The following TK2 variants were observed in gnomAD, a reference collection of about 807,000 sequenced individuals.
The protein encoded by TK2 is thymidine kinase 2.
In TK2, 35 loss-of-function variants were observed where a neutral mutation model predicts 41.9. The observed-to-expected ratio is 0.84, with a 90% CI of 0.64 to 1.11. The LOEUF (loss-of-function observed/expected upper bound fraction) is 1.11, where lower values mean the gene tolerates loss of function less well. Among genes scored for constraint, TK2 ranks in the 50% least tolerant of loss-of-function variants. The pLI is 0.00. For missense variants in TK2, 320 were observed against 351.1 expected (o/e 0.91, Z 0.71); for synonymous variants, 128 against 129.1 (o/e 0.99, Z 0.06).
chr16:66,540,786 T>C (rs1464029397), intron 3 of TK2, among the ~76,000 whole-genome samples: 3 of 152,234 alleles, frequency 2.0e-5, no homozygotes, highest in African/African-American at 7.2e-5. Context: ...CCCTGCTCAA[T>C]AGCCTGTCCT....
At chr16:66,549,141 C>T in intron 1 of TK2, 132 bp from the exon 2 acceptor site, 3 of 1,537,064 alleles carry the variant, frequency 2.0e-6, no homozygotes, top group Admixed American at 2.0e-5. Flanking sequence ...CCATTTTGGG[C>T]GCCCTCCGAG....
At chr16:66,541,628 G>A (rs925243991) in intron 3 of TK2, among the ~76,000 whole-genome samples, 97 of 152,138 alleles carry the variant, frequency 6.4e-4, no homozygotes, top group African/African-American at 2.2e-3. Flanking sequence ...TGTGGCCCAG[G>A]CTGGTCTGGA....
Position 66,513,742 on chromosome 16 carries a change from C to G in TK2, c.688G>C (p.Ala230Pro). Residue 230 changes from alanine (A) to proline (P), a missense_variant, in exon 9 of 10, where the codon GCC (alanine) becomes CCC (proline). By Grantham distance (27) the Ala-to-Pro change is conservative. Coordinates refer to ENST00000544898, the MANE Select transcript of TK2 (RefSeq NM_004614.5). ...LIKGSLFPMA[A>P]PVLVIEADHH... ...GGAGTCTTACTTACCAGAACAGGGGCTGCCATGGGGAAAAGGCTGCCTTTG... is the reference window on the plus strand; with the variant it reads ...GGAGTCTTACTTACCAGAACAGGGGGTGCCATGGGGAAAAGGCTGCCTTTG... 7.4e-6 allele frequency: 12 copies of G among 1,613,994 alleles called. No homozygotes were observed. The highest frequency in any genetic ancestry group is 1.0e-5 in the Non-Finnish European group (12 of 1,179,954).
rs573283141 is a variant in TK2, at chr16:66,547,758, G to A, written c.156+1220C>T. On this transcript the variant is annotated intron_variant, in intron 2 of 9. Coordinates refer to ENST00000544898, the MANE Select transcript of TK2 (RefSeq NM_004614.5). ...TCAGGGCTGTTTGCCAGGTGCCCAGGTCCTAGCCCAGTGCATCCCACACAG... is the reference window on the plus strand; with the variant it reads ...TCAGGGCTGTTTGCCAGGTGCCCAGATCCTAGCCCAGTGCATCCCACACAG... 2.0e-5 allele frequency among the ~76,000 whole-genome samples: 3 copies of A among 152,204 alleles called. No homozygotes were observed. In the South Asian group the frequency reaches 6.2e-4, roughly 32 times the overall value.
intron 6 of TK2, among the ~76,000 whole-genome samples, chr16:66,522,082 G>C (rs1183190629): frequency 6.6e-6 from 1 of 152,164 alleles, no homozygotes; most frequent in East Asian, 1.9e-4. Flanking sequence ...GGCCAACTCT[G>C]TCTGAGCAGG....
chr16:66,512,471 C>T (rs1400627783), intron 9 of TK2, among the ~76,000 whole-genome samples: 3 of 152,086 alleles, frequency 2.0e-5, no homozygotes, highest in Admixed American at 6.5e-5. Flanking sequence ...GAAAAATAAG[C>T]TGTACTTATT....
At chr16:66,512,095 C>A in intron 9 of TK2, 29 bp from the exon 10 acceptor site, 1 of 1,583,228 alleles carries the variant, frequency 6.3e-7, no homozygotes, top group Non-Finnish European at 8.7e-7. Flanking sequence ...GGTCACAAGG[C>A]TGCACTGACC....
Position 66,530,110 on chromosome 16 carries a change from T to C in TK2, c.376-1043A>G, listed in dbSNP as rs150845138. ...CCTCAGATCTTTCGATTTGTGGATT[T>C]GTGCAATTTAGACAGATATTTGGGG... On this transcript the variant is annotated intron_variant, in intron 5 of 9. Coordinates refer to ENST00000544898, the MANE Select transcript of TK2 (RefSeq NM_004614.5). Among the ~76,000 whole-genome samples the C allele has an allele frequency of 3.3e-5, 5 of 152,358 alleles. No homozygotes were observed. The East Asian group carries it at 9.6e-4, about 29-fold the overall frequency.
chr16:66,529,986 T>C (rs1965059362), intron 5 of TK2, among the ~76,000 whole-genome samples: 1 of 152,210 alleles, frequency 6.6e-6, no homozygotes, highest in Non-Finnish European at 1.5e-5. Flanking sequence ...GAGGAGTGCA[T>C]TTATATCCCT....
intron 8 of TK2, among the ~76,000 whole-genome samples, chr16:66,516,663 C>A (rs1004878161): frequency 6.6e-6 from 1 of 152,166 alleles, no homozygotes; most frequent in African/African-American, 2.4e-5. Flanking sequence ...GGCATGGCAT[C>A]TCTCCAGTGG....
chr16:66,514,271 C>A lies in TK2; in HGVS notation c.619-460G>T, dbSNP rs922784502. On this transcript the variant is annotated intron_variant, in intron 8 of 9. Transcript: ENST00000544898. The surrounding 1 kb of genome is among the most constrained non-coding windows in gnomAD (Gnocchi z 4.2). The stretch of plus-strand genomic sequence containing the variant: ...AGTGCCTGGGATTGCAGGCGCGCAC[C>A]GCCATGCCTGACTGGTTTTCGTATT... Among the ~76,000 whole-genome samples the A allele has an allele frequency of 2.0e-5, 3 of 152,248 alleles. No individual in the cohort carries two copies. The highest frequency in any genetic ancestry group is 7.2e-5 in the African/African-American group (3 of 41,472).
chr16:66,517,154 C>G lies in TK2; in HGVS notation c.600G>C (p.Glu200Asp), dbSNP rs776331857. The change falls in exon 8 of 10, where the codon GAG (glutamate) becomes GAC (aspartate). Residue 200 changes from glutamate (E) to aspartate (D), a missense_variant. Physicochemically the swap from Glu to Asp is conservative, Grantham distance 45 (BLOSUM62 2). Coordinates refer to ENST00000544898, the MANE Select transcript of TK2 (RefSeq NM_004614.5). This position sits in a 1 kb window ranked among gnomAD's most constrained non-coding sequence, Gnocchi z 4.3. ...CTCTTACCAGCGGAATGACCTTCTC[C>G]TCTTCCCTGCATCTCTTCTTTAACC... ...YQRLKKRCRE[E>D]EKVIPLEYLE... 9.9e-6 allele frequency: 16 copies of G among 1,614,074 alleles called. No individual in the cohort carries two copies. Among genetic ancestry groups the G allele is most frequent in the Non-Finnish European group, 1.1e-5 (13 of 1,180,040 alleles).
At chr16:66,530,203 G>A (rs757359855) in intron 5 of TK2, among the ~76,000 whole-genome samples, 1 of 152,218 alleles carries the variant, frequency 6.6e-6, no homozygotes, top group Non-Finnish European at 1.5e-5. Flanking sequence ...CAGACTTACA[G>A]AAGAATGGTA....
chr16:66,525,776 A>C (rs1042324544), intron 6 of TK2, among the ~76,000 whole-genome samples: 5 of 152,344 alleles, frequency 3.3e-5, no homozygotes, highest in Non-Finnish European at 7.4e-5. Flanking sequence ...TAAAACAATT[A>C]GATCCCAAGA....
Position 66,517,955 on chromosome 16 carries a change from G to T in TK2, c.450-78C>A. The T allele has an allele frequency of 8.1e-7, 1 of 1,231,128 alleles. No individual in the cohort carries two copies. Among genetic ancestry groups the T allele is most frequent in the Non-Finnish European group, 1.2e-6 (1 of 831,426 alleles). The allele number at this position is 1,231,128 out of a possible 1,614,324, so 76.3% of individuals were successfully genotyped here. On this transcript the variant is annotated intron_variant, in intron 6 of 9. Transcript: ENST00000544898. This position sits in a 1 kb window ranked among gnomAD's most constrained non-coding sequence, Gnocchi z 4.3. ...TGCAATTCCCCCAAAAGGATCTTGA[G>T]ACGGCTCTCAATGAAAGGAGTCACC...
chr16:66,531,625 G>A (rs961837736), intron 4 of TK2, among the ~76,000 whole-genome samples, 156 bp from the exon 5 acceptor site: 1 of 152,118 alleles, frequency 6.6e-6, no homozygotes, highest in Non-Finnish European at 1.5e-5. Flanking sequence ...ACAGCAGGGT[G>A]GACAAAGGCA....
chr16:66,549,161 G>C (rs1597114800), intron 1 of TK2, 152 bp from the exon 2 acceptor site: 1 of 1,505,754 alleles, frequency 6.6e-7, no homozygotes, highest in African/African-American at 1.4e-5. Context: ...GATTGGAGGC[G>C]CGCACCACCG....
chr16:66,536,716 G>C (rs570013624), intron 4 of TK2, among the ~76,000 whole-genome samples: 65 of 152,210 alleles, frequency 4.3e-4, no homozygotes, highest in African/African-American at 1.4e-3. Flanking sequence ...GCTAAGGTCG[G>C]CCACTGGGAA....
chr16:66,518,614 G>C (rs547154806), intron 6 of TK2, among the ~76,000 whole-genome samples: 1 of 152,206 alleles, frequency 6.6e-6, no homozygotes, highest in African/African-American at 2.4e-5. Context: ...ACTAAATCTT[G>C]GTAAATCTAT....
Sources: gnomAD v4.1 joint callset for allele counts (sites outside exome capture counted in the v4.1 genomes callset) on GRCh38, gnomAD v4.1.1 for gene constraint, Gnocchi (gnomAD v3.1) non-coding constraint, MANE v1.5 for transcripts, NCBI Gene and HGNC (gene_info 2026-07-23, HGNC 2026-07-21) for gene names.